The following TMX4 variants were observed in gnomAD, a reference collection of about 807,000 sequenced individuals.
The protein encoded by TMX4 is thioredoxin related transmembrane protein 4.
A neutral mutation model predicts 33.3 loss-of-function variants in TMX4; 23 were observed. The observed-to-expected ratio is 0.69, with a 90% CI of 0.50 to 0.98. The LOEUF is 0.98. TMX4 is among the 50% of genes least tolerant of loss of function. TMX4 has a pLI of 0.00. For missense variants in TMX4, 399 were observed against 448.9 expected (o/e 0.89, Z 1.01); for synonymous variants, 164 against 161.5 (o/e 1.02, Z -0.12).
intron 7 of TMX4, among the ~76,000 whole-genome samples, chr20:7,982,920 G>A (rs2050615287): frequency 6.6e-6 from 1 of 152,152 alleles, no homozygotes; most frequent in African/African-American, 2.4e-5. Flanking sequence ...GACCCTATTG[G>A]TCATGGTGAT....
rs2050745746 is a variant in TMX4 at position 8,009,914 on chromosome 20, C to T, written c.292+286G>A. Among the ~76,000 whole-genome samples, 6 of 141,306 alleles carry T rather than the reference C, an allele frequency of 4.2e-5. No individual in the cohort carries two copies. The South Asian group carries it at 9.0e-4, about 21-fold the overall frequency. 92.7% of individuals were successfully genotyped at this position (141,306 alleles called of 152,430 possible). ...TGGGAAATAATTAAGAAGCCTTTAA[C>T]GTGCTAAAGAATTGAAGGGTAAATT... On this transcript the variant is annotated intron_variant, in intron 2 of 7. Coordinates refer to ENST00000246024, the MANE Select transcript of TMX4 (RefSeq NM_021156.4).
intron 2 of TMX4, among the ~76,000 whole-genome samples, chr20:8,004,738 CAG>C (rs1474455797): frequency 6.6e-6 from 1 of 152,144 alleles, no homozygotes; most frequent in Non-Finnish European, 1.5e-5. Flanking sequence ...ATTAAGAAAA[CAG>C]AGATAGCTAA....
intron 7 of TMX4, among the ~76,000 whole-genome samples, chr20:7,982,998 G>A (rs2050615668): frequency 6.6e-6 from 1 of 152,186 alleles, no homozygotes; most frequent in Non-Finnish European, 1.5e-5. Flanking sequence ...AGAGTCAGGA[G>A]AAACAGCCTC....
At position 7,980,951 on chromosome 20, in the gene TMX4, A is replaced by G. The variant is rs1483694388; in HGVS notation, c.*1300T>C. 6.6e-6 allele frequency: 1 copy of G among 152,226 alleles called. No homozygotes were observed. The highest frequency in any genetic ancestry group is 2.4e-5 in the African/African-American group (1 of 41,452). The allele number at this position is 152,226 out of a possible 1,614,324, so 9.4% of individuals were successfully genotyped here. ...GTACTCATTATTCTGTCTGGATCTAAGGAGCATAGAATCAACTTTAGGCAT... is the reference window on the plus strand; with the variant it reads ...GTACTCATTATTCTGTCTGGATCTAGGGAGCATAGAATCAACTTTAGGCAT... On this transcript the variant is annotated 3_prime_UTR_variant, in exon 8 of 8. Transcript: ENST00000246024.
intron 4 of TMX4, among the ~76,000 whole-genome samples, chr20:7,996,619 G>A (rs1034885566): frequency 6.6e-6 from 1 of 151,978 alleles, no homozygotes; most frequent in Admixed American, 6.6e-5. Flanking sequence ...CTCTTGTTAT[G>A]ACAGGAAAAG....
intron 3 of TMX4, among the ~76,000 whole-genome samples, chr20:8,000,379 C>T (rs907083858): frequency 6.6e-6 from 1 of 152,106 alleles, no homozygotes; most frequent in Non-Finnish European, 1.5e-5. Context: ...TCATTCACTA[C>T]TTGGTGCAAC....
chr20:7,991,576 T>C (rs937342525), intron 5 of TMX4, among the ~76,000 whole-genome samples: 8 of 152,168 alleles, frequency 5.3e-5, no homozygotes, highest in South Asian at 4.1e-4. Flanking sequence ...TTTTGGATTT[T>C]TGGATTTGGG....
At chr20:8,007,002 G>A (rs2050733683) in intron 2 of TMX4, among the ~76,000 whole-genome samples, 2 of 152,070 alleles carry the variant, frequency 1.3e-5, no homozygotes, top group Admixed American at 6.6e-5. Context: ...CCTGACCTAA[G>A]TTGATCCGCT....
In TMX4 at chr20:7,982,055, T is replaced by A; in HGVS notation, c.*196A>T. ...GATCCCAACACTACGTTTGTTTTTC[T>A]ATATCCTGATTGTCACACCTGGAAG... On this transcript the variant is annotated 3_prime_UTR_variant, in exon 8 of 8. Transcript: ENST00000246024. 2 of 602,862 alleles carry A rather than the reference T, an allele frequency of 3.3e-6. No individual in the cohort carries two copies. Among genetic ancestry groups the A allele is most frequent in the Non-Finnish European group, 5.7e-6 (2 of 348,274 alleles). 37.3% of individuals were successfully genotyped at this position (602,862 alleles called of 1,614,324 possible). A position where few individuals can be genotyped will look rare whatever the true frequency, so the allele number is the denominator to read the frequency against.
In TMX4 at chr20:8,019,634, T is replaced by G; in HGVS notation, c.-21A>C. 5.3e-6 allele frequency: 7 copies of G among 1,328,182 alleles called. No homozygotes were observed. The highest frequency in any genetic ancestry group is 5.8e-6 in the Non-Finnish European group (6 of 1,038,890). The allele number at this position is 1,328,182 out of a possible 1,614,324, so 82.3% of individuals were successfully genotyped here. ...GCCATGTTGGGCGCCGAGCGAGGCT[T>G]CTCGGCGGGGAGTGTGGGGAAGGGC... On this transcript the variant is annotated 5_prime_UTR_variant, in exon 1 of 8. Coordinates refer to ENST00000246024, the MANE Select transcript of TMX4 (RefSeq NM_021156.4).
At chr20:7,985,257 G>A (rs8115014) in intron 6 of TMX4, among the ~76,000 whole-genome samples, 34,587 of 130,366 alleles carry the variant, frequency 0.27, 4,767 homozygotes, top group South Asian at 0.48. Flanking sequence ...GTGTGTGTGT[G>A]TATATATATA....
chr20:8,001,165 C>CT (rs1600144685), intron 3 of TMX4, among the ~76,000 whole-genome samples: 1 of 152,288 alleles, frequency 6.6e-6, no homozygotes, highest in South Asian at 2.1e-4. Flanking sequence ...CTCTCTTGGG[C>CT]TTTTTTATGC....
At chr20:8,019,186 G>A in intron 1 of TMX4, 1 of 498,900 alleles carries the variant, frequency 2.0e-6, no homozygotes, top group South Asian at 2.3e-5. Context: ...CGGCGCGCAT[G>A]CGCGGCGCGA....
rs911933848 is a variant in TMX4, at chr20:8,019,539, T to C, written c.75A>G (p.Ala25=). ...GCGGCAGCGCGGCCTCCTCGGGGCC[T>C]GCCGTCGCCGCCACAGCCGCGATCC... ...AAWIAAVAAT[A]GPEEAALPPE... The change falls in exon 1 of 8, where the codon GCA becomes GCG. Residue 25 remains alanine (A), a synonymous_variant. Coordinates refer to ENST00000246024, the MANE Select transcript of TMX4 (RefSeq NM_021156.4). 2.1e-5 allele frequency: 31 copies of C among 1,476,532 alleles called. No homozygotes were observed. The African/African-American group carries it at 4.3e-4, about 20-fold the overall frequency. The allele number at this position is 1,476,532 out of a possible 1,614,324, so 91.5% of individuals were successfully genotyped here. A position where few individuals can be genotyped will look rare whatever the true frequency, so the allele number is the denominator to read the frequency against.
intron 5 of TMX4, among the ~76,000 whole-genome samples, 170 bp from the exon 6 acceptor site, chr20:7,987,559 GTAAT>G (rs1214813871): frequency 6.6e-6 from 1 of 151,980 alleles, no homozygotes; most frequent in East Asian, 1.9e-4. Context: ...ACTGAGAGTA[GTAAT>G]TAAGGTCATT....
rs2050802018 is a variant in TMX4 at position 8,019,492 on chromosome 20, G to C, written c.122C>G (p.Pro41Arg). The C allele has an allele frequency of 6.6e-7, 1 of 1,511,508 alleles. No individual in the cohort carries two copies. Among genetic ancestry groups the C allele is most frequent in the East Asian group, 2.9e-5 (1 of 34,850 alleles). 93.6% of individuals were successfully genotyped at this position (1,511,508 alleles called of 1,614,324 possible). The change falls in exon 1 of 8, where the codon CCC becomes CGC. Residue 41 changes from proline to arginine, a missense_variant. Transcript: ENST00000246024. ...CAGCGTCCAGTTGGAGGCGGTCATGGGCTGGACCCGGCTCTGCTCCGGCGG... is the reference window on the plus strand; with the variant it reads ...CAGCGTCCAGTTGGAGGCGGTCATGCGCTGGACCCGGCTCTGCTCCGGCGG... ...ALPPEQSRVQ[P>R]MTASNWTLVM...
rs1301915953 is a variant in TMX4, at chr20:8,001,572, C to T, written c.293-31G>A. On this transcript the variant is annotated intron_variant, in intron 2 of 7. Transcript: ENST00000246024. Reference sequence around the variant, plus strand: ...AGAAGCATAAACAGAACAAAAGTTACACTTAAGTCCTCCAAAAAAAGCATT... The same window carrying T: ...AGAAGCATAAACAGAACAAAAGTTATACTTAAGTCCTCCAAAAAAAGCATT... 4 of 1,578,784 alleles carry T rather than the reference C, an allele frequency of 2.5e-6. No individual in the cohort carries two copies. In the African/African-American group the frequency reaches 5.4e-5, roughly 21 times the overall value.
At chr20:7,994,652 T>C (rs181227341) in intron 5 of TMX4, among the ~76,000 whole-genome samples, 2 of 152,306 alleles carry the variant, frequency 1.3e-5, no homozygotes, top group East Asian at 1.9e-4. Context: ...ATTGCACTTA[T>C]CATAGGTTTG....
intron 3 of TMX4, among the ~76,000 whole-genome samples, chr20:8,000,780 C>G (rs2050702789): frequency 6.6e-6 from 1 of 152,164 alleles, no homozygotes; most frequent in Admixed American, 6.5e-5. Context: ...ACTCTGGATC[C>G]TGACATCAAA....
Sources: gnomAD v4.1 joint callset for allele counts (sites outside exome capture counted in the v4.1 genomes callset) on GRCh38, gnomAD v4.1.1 for gene constraint, MANE v1.5 for transcripts, NCBI Gene and HGNC (gene_info 2026-07-23, HGNC 2026-07-21) for gene names.